The following SURF4 variants were observed in gnomAD, a reference collection of about 807,000 sequenced individuals.
SURF4 encodes surfeit 4.
In SURF4, 3 loss-of-function variants were observed where a neutral mutation model predicts 30.0. That is an observed-to-expected ratio of 0.10 (90% CI 0.05 to 0.26). SURF4 has a LOEUF of 0.26. Ranked by LOEUF, SURF4 falls within the 10% of genes least tolerant of loss-of-function variation. The probability of loss-of-function intolerance (pLI) is 1.00; values close to 1 mark genes in which losing one functional copy is unlikely to be tolerated. For synonymous variants in SURF4, 143 were observed against 139.9 expected (o/e 1.02, Z -0.16); for missense variants, 217 against 350.8 (o/e 0.62, Z 3.05).
In SURF4 at chr9:133,367,113, G is replaced by A. The variant is rs2130135723; in HGVS notation, c.235+146C>T. 10 of 1,105,752 alleles carry A rather than the reference G, an allele frequency of 9.0e-6. No homozygotes were observed. In the African/African-American group the frequency reaches 1.3e-4, roughly 14 times the overall value. The allele number at this position is 1,105,752 out of a possible 1,614,324, so 68.5% of individuals were successfully genotyped here. Reference sequence around the variant, plus strand: ...CCAAGGCTTGCAGAACCGGACTCCTGGCCTGGCACAGCTGAGCTGGAGAAG... The same window carrying A: ...CCAAGGCTTGCAGAACCGGACTCCTAGCCTGGCACAGCTGAGCTGGAGAAG... On this transcript the variant is annotated intron_variant, in intron 2 of 5. Transcript: ENST00000371989.
At chr9:133,371,133 T>TAGAA in intron 1 of SURF4, 1 of 985,378 alleles carries the variant, frequency 1.0e-6, no homozygotes, top group Non-Finnish European at 1.2e-6. Flanking sequence ...CTCCACTTTC[T>TAGAA]CTTCACACTC....
At chr9:133,365,875 G>A (rs1363693181) in intron 4 of SURF4, 110 bp downstream of exon 4, 14 of 1,117,838 alleles carry the variant, frequency 1.3e-5, no homozygotes, top group Non-Finnish European at 1.9e-5. Flanking sequence ...TCCTTTGAGC[G>A]TCATGTTGGT....
upstream of SURF4, chr9:133,376,069 G>A (rs1335305778): frequency 3.3e-6 from 4 of 1,207,142 alleles, no homozygotes; most frequent in Admixed American, 8.8e-5. Flanking sequence ...GTGCCCGGCG[G>A]CCGGCCTCGC....
At chr9:133,372,751 CCTGGT>C (rs1347364073) in intron 1 of SURF4, 2 of 513,938 alleles carry the variant, frequency 3.9e-6, no homozygotes, top group Admixed American at 1.3e-4. Flanking sequence ...CATGTAAAAG[CCTGGT>C]CTGGCAGCTT....
chr9:133,373,004 G>A (rs1240977470), intron 1 of SURF4, among the ~76,000 whole-genome samples: 7 of 152,238 alleles, frequency 4.6e-5, no homozygotes, highest in African/African-American at 2.4e-5. Context: ...GACGGCGGCA[G>A]CCTGCGCTGC....
rs1260081428 is a variant in SURF4, at chr9:133,363,136, C to T, written c.*357G>A. 15 of 511,554 alleles carry T rather than the reference C, an allele frequency of 2.9e-5. No homozygotes were observed. Among genetic ancestry groups the T allele is most frequent in the African/African-American group, 5.8e-5 (3 of 52,144 alleles). The allele number at this position is 511,554 out of a possible 1,614,324, so 31.7% of individuals were successfully genotyped here. On this transcript the variant is annotated 3_prime_UTR_variant, in exon 6 of 6. Transcript: ENST00000371989. This position sits in a 1 kb window ranked among gnomAD's most constrained non-coding sequence, Gnocchi z 4.3. ...ACTGCTTTGAATGATAATACCAATG[C>T]GTCTGCTCACAGTACAGCTTGAAGG...
At chr9:133,372,717 A>G (rs1588719646) in intron 1 of SURF4, 5 of 834,124 alleles carry the variant, frequency 6.0e-6, no homozygotes, top group Non-Finnish European at 7.2e-6. Context: ...GTAATCCTCT[A>G]TCGGCTTCAA....
intron 1 of SURF4, among the ~76,000 whole-genome samples, chr9:133,368,944 T>G (rs917118630): frequency 2.6e-5 from 4 of 152,206 alleles, no homozygotes; most frequent in African/African-American, 9.7e-5. Context: ...ACAGGCCTCC[T>G]AGGGCTGACT....
upstream of SURF4, chr9:133,376,651 C>T (rs1004740599): frequency 1.1e-5 from 13 of 1,170,590 alleles, no homozygotes; most frequent in South Asian, 1.6e-5. Context: ...CCGAGGGCGG[C>T]GAGGGGCCCG....
At chr9:133,366,747 T>G in intron 2 of SURF4, 72 bp from the exon 3 acceptor site, 2 of 1,415,348 alleles carry the variant, frequency 1.4e-6, no homozygotes, top group Non-Finnish European at 2.0e-6. Context: ...GATACACTGC[T>G]ACCTCACCTG....
chr9:133,370,745 A>C, intron 1 of SURF4: 1 of 611,556 alleles, frequency 1.6e-6, no homozygotes, highest in Non-Finnish European at 2.7e-6. Flanking sequence ...CACACAGGTG[A>C]CCTGTGTAAA....
At chr9:133,376,581 G>C (rs2130249714), upstream of SURF4, 1 of 1,564,082 alleles carries the variant, frequency 6.4e-7, no homozygotes. Context: ...TTCCCTGCGG[G>C]GAGGCGGGAG....
In SURF4 at chr9:133,363,629, A is replaced by G. The variant is rs2130089246; in HGVS notation, c.674T>C (p.Ile225Thr). Reference sequence around the variant, plus strand: ...GTCATGCATGGGCTTGTAGACTGGAATGGTCCAGAAGGCGTTGAAATATAC... The same window carrying G: ...GTCATGCATGGGCTTGTAGACTGGAGTGGTCCAGAAGGCGTTGAAATATAC... ...INVYFNAFWT[I>T]PVYKPMHDFL... Residue 225 changes from isoleucine (I) to threonine (T), a missense_variant, in exon 6 of 6, where the codon ATT becomes ACT. By Grantham distance (89) the Ile-to-Thr change is moderately conservative. Transcript: ENST00000371989. This position sits in a 1 kb window ranked among gnomAD's most constrained non-coding sequence, Gnocchi z 4.3. 1 of 1,614,222 alleles carries G rather than the reference A, an allele frequency of 6.2e-7. No homozygotes were observed. The highest frequency in any genetic ancestry group is 2.2e-5 in the East Asian group (1 of 44,886).
At chr9:133,373,459 G>A (rs952306225) in intron 1 of SURF4, among the ~76,000 whole-genome samples, 6 of 151,924 alleles carry the variant, frequency 3.9e-5, no homozygotes, top group African/African-American at 1.2e-4. Flanking sequence ...AAAAATTAGC[G>A]GGGCGTGGTG....
chr9:133,367,522 C>A (rs2130144649), intron 1 of SURF4, 77 bp from the exon 2 acceptor site: 1 of 1,595,926 alleles, frequency 6.3e-7, no homozygotes, highest in South Asian at 1.1e-5. Flanking sequence ...CGTCCTTGGG[C>A]GGGGTGTGTG....
chr9:133,370,889 C>A, intron 1 of SURF4: 4 of 1,289,770 alleles, frequency 3.1e-6, no homozygotes, highest in Non-Finnish European at 4.0e-6. Flanking sequence ...TGTGGCCAAG[C>A]TTCTCATTAA....
chr9:133,375,400 A>T, intron 1 of SURF4: 1 of 985,688 alleles, frequency 1.0e-6, no homozygotes, highest in Non-Finnish European at 1.2e-6. Context: ...TGGGAAAGAG[A>T]AAAGGAAAAG....
Position 133,376,045 on chromosome 9 carries a change from G to A in SURF4, c.-76C>T, listed in dbSNP as rs1411102572. On this transcript the variant is annotated 5_prime_UTR_variant, in exon 1 of 6. Transcript: ENST00000371989. ...GCCCGTCGGCGCCCGCACCCGCTGC[G>A]GCCTCCACAGGAAGTGCCCGGCGGC... 2.4e-5 allele frequency: 29 copies of A among 1,209,306 alleles called. No homozygotes were observed. The highest frequency in any genetic ancestry group is 2.8e-5 in the Non-Finnish European group (27 of 972,850). 74.9% of individuals were successfully genotyped at this position (1,209,306 alleles called of 1,614,324 possible).
In SURF4 at chr9:133,366,590, C is replaced by T. The variant is rs2130128680; in HGVS notation, c.312+9G>A. On this transcript the variant is annotated intron_variant, in intron 3 of 5. Coordinates refer to ENST00000371989, the MANE Select transcript of SURF4 (RefSeq NM_033161.4). ...AGAGAAGGGAGCCCCGACCACGCGG[C>T]CCGTGTACCTGCAGAGCTATGATTC... 1.1e-5 allele frequency: 18 copies of T among 1,613,644 alleles called. No homozygotes were observed. The highest frequency in any genetic ancestry group is 1.4e-5 in the Non-Finnish European group (16 of 1,179,950).
Sources: allele counts gnomAD v4.1 joint callset (sites outside exome capture counted in the v4.1 genomes callset), GRCh38; gene constraint gnomAD v4.1.1; non-coding constraint Gnocchi (gnomAD v3.1); transcripts MANE v1.5; gene names NCBI Gene and HGNC (gene_info 2026-07-23, HGNC 2026-07-21).